Variants in DCBLD2 observed in about 807,000 individuals in gnomAD.
The protein encoded by DCBLD2 is discoidin, CUB and LCCL domain containing 2.
In DCBLD2, 54 loss-of-function variants were observed where a neutral mutation model predicts 86.8. The observed-to-expected ratio is 0.62, with a 90% CI of 0.50 to 0.78. DCBLD2 has a LOEUF of 0.78. DCBLD2 is among the 30% of genes least tolerant of loss of function. The pLI is 0.00. For synonymous variants in DCBLD2, 354 were observed against 341.3 expected, an observed-to-expected ratio of 1.04 and a Z score of -0.41; for missense variants, 908 against 954.2, an observed-to-expected ratio of 0.95 and a Z score of 0.64.
chr3:98,897,313 C>A (rs1312525568), intron 1 of DCBLD2, among the ~76,000 whole-genome samples: 2 of 152,134 alleles, frequency 1.3e-5, no homozygotes, highest in African/African-American at 4.8e-5. Flanking sequence ...TCAATCTGAT[C>A]ATTCACACGT....
chr3:98,799,714 A>C lies in DCBLD2; in HGVS notation c.1986T>G (p.Val662=), dbSNP rs1941681072. 2 of 1,613,768 alleles carry C rather than the reference A, an allele frequency of 1.2e-6. No individual in the cohort carries two copies. Among genetic ancestry groups the C allele is most frequent in the Admixed American group, 1.7e-5 (1 of 59,980 alleles). Residue 662 remains valine (V), a synonymous_variant, in exon 16 of 16, where the codon GTT becomes GTG. Transcript: ENST00000326840. The stretch of plus-strand genomic sequence containing the variant: ...GGAGTGGTTCAGCATAGGCATGATA[A>C]ACTTCCTGCCCTGGTGAGTTGTAAG... ...LDPYNSPGQE[V]YHAYAEPLPI...
intron 3 of DCBLD2, among the ~76,000 whole-genome samples, chr3:98,840,926 T>C (rs1372713055): frequency 6.6e-6 from 1 of 152,238 alleles, no homozygotes; most frequent in Non-Finnish European, 1.5e-5. Flanking sequence ...TTGGGTGTTG[T>C]AGATAACAGC....
chr3:98,842,048 G>T (rs1334980835), intron 3 of DCBLD2, among the ~76,000 whole-genome samples: 1 of 152,186 alleles, frequency 6.6e-6, no homozygotes, highest in Admixed American at 6.5e-5. Context: ...CCGGGTGCCA[G>T]AGCAAGACTC....
rs533373768 is a variant in DCBLD2 at position 98,841,309 on chromosome 3, G to A, written c.571+8152C>T. Among the ~76,000 whole-genome samples, 26 of 152,272 alleles carry A rather than the reference G, an allele frequency of 1.7e-4. No homozygotes were observed. In the South Asian group the frequency reaches 4.1e-3, roughly 24 times the overall value. On this transcript the variant is annotated intron_variant, in intron 3 of 15. Coordinates refer to ENST00000326840, the MANE Select transcript of DCBLD2 (RefSeq NM_080927.4). ...CACCAACATCAGATTTCCTAAGACAGTTGCAAACTTAGTTAGCTATATTAT... is the reference window on the plus strand; with the variant it reads ...CACCAACATCAGATTTCCTAAGACAATTGCAAACTTAGTTAGCTATATTAT...
chr3:98,849,626 T>A, intron 2 of DCBLD2, 28 bp from the exon 3 acceptor site: 1 of 1,599,240 alleles, frequency 6.3e-7, no homozygotes, highest in Non-Finnish European at 8.6e-7. Context: ...GCAGATTATT[T>A]GGGATGACTC....
chr3:98,895,100 G>C (rs1943729434), intron 1 of DCBLD2: 1 of 152,008 alleles, frequency 6.6e-6, no homozygotes, highest in African/African-American at 2.4e-5. Context: ...AGGCAAAATG[G>C]CATGAAATTA....
In DCBLD2 at chr3:98,800,694, C is replaced by T; in HGVS notation, c.1743G>A (p.Gln581=). The T allele has an allele frequency of 1.2e-6, 2 of 1,613,922 alleles. No individual in the cohort carries two copies. Among genetic ancestry groups the T allele is most frequent in the Non-Finnish European group, 1.7e-6 (2 of 1,179,850 alleles). ...GGTCCACTGCTTTTGCAGGAAGAAA[C>T]TGCTTCATTCCTTTCCACCAACCTT... ...DRAGWWKGMK[Q]FLPAKAVDHE... Residue 581 remains glutamine (Q), a synonymous_variant, in exon 15 of 16, where the codon CAG becomes CAA. Coordinates refer to ENST00000326840, the MANE Select transcript of DCBLD2 (RefSeq NM_080927.4).
At position 98,834,156 on chromosome 3, in the gene DCBLD2, T is replaced by G. The variant is rs144070272; in HGVS notation, c.572-8790A>C. 4.7e-3 allele frequency among the ~76,000 whole-genome samples: 717 copies of G among 151,302 alleles called. 4 individuals are homozygous for G. The highest frequency in any genetic ancestry group is 7.7e-3 in the Non-Finnish European group (525 of 67,824). On this transcript the variant is annotated intron_variant, in intron 3 of 15. Transcript: ENST00000326840. ...AGAGTTGTTTTCTTTTTTTTTTTTT[T>G]TTTTGTTTTAAATTTTTTTATTGAT...
intron 3 of DCBLD2, among the ~76,000 whole-genome samples, chr3:98,848,496 T>C (rs35422064): frequency 6.6e-6 from 1 of 152,284 alleles, no homozygotes; most frequent in African/African-American, 2.4e-5. Context: ...AGTAATAGGA[T>C]TGCTGGGTTG....
Position 98,876,033 on chromosome 3 carries a change from A to T in DCBLD2, c.433+5507T>A, listed in dbSNP as rs181594394. Among the ~76,000 whole-genome samples, 527 of 152,274 alleles carry T rather than the reference A, an allele frequency of 3.5e-3. 3 individuals are homozygous for T. Among genetic ancestry groups the T allele is most frequent in the Middle Eastern group, 0.01 (3 of 294 alleles). On this transcript the variant is annotated intron_variant, in intron 2 of 15. Transcript: ENST00000326840. Reference sequence around the variant, plus strand: ...AGGACTTAGAATCTAGATGCAATTTAAAAAAAGACTAATGAATCTAACTAT... The same window carrying T: ...AGGACTTAGAATCTAGATGCAATTTTAAAAAAGACTAATGAATCTAACTAT...
Position 98,799,525 on chromosome 3 carries a change from G to A in DCBLD2, c.2175C>T (p.Cys725=). 3 of 1,614,012 alleles carry A rather than the reference G, an allele frequency of 1.9e-6. No homozygotes were observed. Among genetic ancestry groups the A allele is most frequent in the East Asian group, 4.5e-5 (2 of 44,876 alleles). ...TATCATACTGGGCCTGGGCTGAGGA[G>A]CAGCTGTCAGTCCTGGAGAGAAGTG... ...YNTLLSRTDS[C]SSAQAQYDTP... is the part of the protein sequence containing the mutation. Residue 725 remains cysteine (C), a synonymous_variant, in exon 16 of 16, where the codon TGC becomes TGT. Coordinates refer to ENST00000326840, the MANE Select transcript of DCBLD2 (RefSeq NM_080927.4).
At chr3:98,860,122 C>A (rs556398316) in intron 2 of DCBLD2, among the ~76,000 whole-genome samples, 2 of 151,932 alleles carry the variant, frequency 1.3e-5, no homozygotes, top group African/African-American at 4.8e-5. Context: ...GAAAGGGTAT[C>A]GGTGATAGAA....
At position 98,881,522 on chromosome 3, in the gene DCBLD2, T is replaced by C. The variant is rs1263342783; in HGVS notation, c.433+18A>G. ...ACAATGATGTATTTACATGTACATT[T>C]ACAAAAAAAAGTCCTACCTATTTCA... On this transcript the variant is annotated intron_variant, in intron 2 of 15. Coordinates refer to ENST00000326840, the MANE Select transcript of DCBLD2 (RefSeq NM_080927.4). 1 of 1,599,378 alleles carries C rather than the reference T, an allele frequency of 6.3e-7. No homozygotes were observed. The highest frequency in any genetic ancestry group is 8.6e-7 in the Non-Finnish European group (1 of 1,167,810).
At chr3:98,849,299 GA>G in intron 3 of DCBLD2, 161 bp downstream of exon 3, 1 of 833,294 alleles carries the variant, frequency 1.2e-6, no homozygotes. Context: ...TTGGAACTTT[GA>G]AACTGAACTC....
At chr3:98,829,083 T>C (rs747876221) in intron 3 of DCBLD2, among the ~76,000 whole-genome samples, 2 of 152,192 alleles carry the variant, frequency 1.3e-5, no homozygotes, top group Admixed American at 6.5e-5. Flanking sequence ...TGTTCTAAAA[T>C]TGACTATGGT....
At chr3:98,824,974 C>A (rs1942189951) in intron 4 of DCBLD2, among the ~76,000 whole-genome samples, 2 of 151,214 alleles carry the variant, frequency 1.3e-5, no homozygotes, top group African/African-American at 2.4e-5. Flanking sequence ...CTATAACAGC[C>A]AAAACCATGC....
intron 2 of DCBLD2, among the ~76,000 whole-genome samples, chr3:98,852,316 G>C (rs1284857741): frequency 1.3e-5 from 2 of 151,126 alleles, no homozygotes; most frequent in African/African-American, 2.4e-5. Context: ...GCGTGATCTT[G>C]GCTCACTGCA....
At chr3:98,857,530 A>G (rs537616611) in intron 2 of DCBLD2, among the ~76,000 whole-genome samples, 30 of 152,190 alleles carry the variant, frequency 2.0e-4, no homozygotes, top group African/African-American at 6.7e-4. Context: ...TGCGTTTACA[A>G]TCCCTGAGCT....
intron 2 of DCBLD2, among the ~76,000 whole-genome samples, chr3:98,864,256 G>T (rs1266322944): frequency 1.3e-5 from 2 of 152,182 alleles, no homozygotes; most frequent in Non-Finnish European, 2.9e-5. Context: ...ATTGTTGGTG[G>T]GACTGTAAAC....
Sources: allele counts gnomAD v4.1 joint callset (sites outside exome capture counted in the v4.1 genomes callset), GRCh38; gene constraint gnomAD v4.1.1; transcripts MANE v1.5; gene names NCBI Gene and HGNC (gene_info 2026-07-23, HGNC 2026-07-21).